MDGA2: variants seen among roughly 807,000 people sequenced by gnomAD.
MDGA2 encodes MAM domain-containing glycosylphosphatidylinositol anchor protein 2.
Under a neutral mutation model 117.8 loss-of-function variants are expected in MDGA2, and 40 were observed. The observed-to-expected ratio is 0.34, with a 90% CI of 0.26 to 0.44. The LOEUF is 0.44. Ranked by LOEUF, MDGA2 falls within the 20% of genes least tolerant of loss-of-function variation. The pLI is 1.00. For missense variants in MDGA2, 1,123 were observed against 1,250.6 expected (o/e 0.90, Z 1.54); for synonymous variants, 452 against 439.0 (o/e 1.03, Z -0.37).
At chr14:47,570,771 A>G (rs577920096) in intron 1 of MDGA2, among the ~76,000 whole-genome samples, 10 of 152,330 alleles carry the variant, frequency 6.6e-5, no homozygotes, top group African/African-American at 2.4e-4. Context: ...TGGATTAAAG[A>G]CTGAAACATA....
chr14:47,097,187 A>G lies in MDGA2; in HGVS notation c.926-64T>C. On this transcript the variant is annotated intron_variant, in intron 5 of 16. Coordinates refer to ENST00000399232, the MANE Select transcript of MDGA2 (RefSeq NM_001113498.3). Reference sequence around the variant, plus strand: ...TATGCTACAACTAGAATTCAACAGCATGCATTATATTGGTTCATTCAAAAA... The same window carrying G: ...TATGCTACAACTAGAATTCAACAGCGTGCATTATATTGGTTCATTCAAAAA... 9.8e-6 allele frequency: 15 copies of G among 1,530,446 alleles called. No homozygotes were observed. The South Asian group carries it at 1.4e-4, about 14-fold the overall frequency. The allele number at this position is 1,530,446 out of a possible 1,614,324, so 94.8% of individuals were successfully genotyped here. A position where few individuals can be genotyped will look rare whatever the true frequency, so the allele number is the denominator to read the frequency against.
chr14:47,022,680 T>G (rs1248941255), intron 8 of MDGA2, among the ~76,000 whole-genome samples: 1 of 152,116 alleles, frequency 6.6e-6, no homozygotes, highest in African/African-American at 2.4e-5. Context: ...GGGGAAATGA[T>G]ATTGGAGTAA....
intron 1 of MDGA2, among the ~76,000 whole-genome samples, chr14:47,565,587 G>A (rs1895902019): frequency 6.6e-6 from 1 of 152,204 alleles, no homozygotes. Flanking sequence ...TCTTTGTTGA[G>A]TAGTAGCAGC....
At chr14:46,919,359 T>C (rs760736798) in intron 10 of MDGA2, among the ~76,000 whole-genome samples, 1 of 152,220 alleles carries the variant, frequency 6.6e-6, no homozygotes, top group Non-Finnish European at 1.5e-5. Flanking sequence ...CCAGATAATA[T>C]GCTAAGAAGA....
At chr14:47,546,500 C>G (rs1047827200) in intron 1 of MDGA2, among the ~76,000 whole-genome samples, 1 of 152,084 alleles carries the variant, frequency 6.6e-6, no homozygotes, top group South Asian at 2.1e-4. Context: ...ACAATATTTA[C>G]TGAATATTGA....
intron 1 of MDGA2, among the ~76,000 whole-genome samples, chr14:47,605,137 T>G (rs1320313804): frequency 8.5e-5 from 13 of 152,172 alleles, no homozygotes; most frequent in Admixed American, 8.5e-4. Context: ...CTACAGACAT[T>G]TGTCTAGTCA....
chr14:47,342,605 A>G (rs535500297), intron 1 of MDGA2, among the ~76,000 whole-genome samples: 11 of 152,270 alleles, frequency 7.2e-5, no homozygotes, highest in African/African-American at 2.6e-4. Context: ...GGAGTAGAAA[A>G]TGCAGCTATA....
chr14:46,871,771 T>G (rs534673877), intron 14 of MDGA2: 53 of 171,688 alleles, frequency 3.1e-4, no homozygotes, highest in Non-Finnish European at 6.0e-4. Context: ...AAGTGATTTC[T>G]CTGAAGTATT....
chr14:46,864,412 T>A (rs1881640789), intron 14 of MDGA2, among the ~76,000 whole-genome samples: 1 of 151,426 alleles, frequency 6.6e-6, no homozygotes, highest in Non-Finnish European at 1.5e-5. Flanking sequence ...TACATTTTAG[T>A]TCTTTACATT....
At chr14:46,854,958 C>T in intron 15 of MDGA2, 66 bp downstream of exon 15, 1 of 1,312,894 alleles carries the variant, frequency 7.6e-7, no homozygotes, top group Non-Finnish European at 1.0e-6. Context: ...TTAATATTTG[C>T]TCAAGATCCA....
intron 1 of MDGA2, among the ~76,000 whole-genome samples, chr14:47,554,877 C>T (rs1895654624): frequency 6.6e-6 from 1 of 152,158 alleles, no homozygotes; most frequent in Non-Finnish European, 1.5e-5. Flanking sequence ...TGTTATGGAC[C>T]TATCTGACCT....
At chr14:47,063,135 C>T (rs980597764) in intron 6 of MDGA2, among the ~76,000 whole-genome samples, 1 of 151,964 alleles carries the variant, frequency 6.6e-6, no homozygotes, top group Non-Finnish European at 1.5e-5. Context: ...AAACCACAGA[C>T]ATATATAGCG....
At chr14:47,669,590 C>A (rs1054257030) in intron 1 of MDGA2, among the ~76,000 whole-genome samples, 4 of 152,076 alleles carry the variant, frequency 2.6e-5, no homozygotes, top group Non-Finnish European at 5.9e-5. Context: ...CAAAAATGAT[C>A]CCAAGATACA....
intron 3 of MDGA2, among the ~76,000 whole-genome samples, chr14:47,155,877 T>C (rs1408055834): frequency 1.2e-5 from 1 of 80,478 alleles, no homozygotes; most frequent in African/African-American, 6.7e-5. Context: ...TTTTCTTTTC[T>C]TCTTCTTCTT....
rs1555374514 is a variant in MDGA2, at chr14:47,335,734, T to TTATATATA, written c.281-34192_281-34185dup. ...ACACATACACATGCACACATATATT[T>TTATATATA]TATATATATATATACATACATACAT... is the stretch of plus-strand genomic sequence containing the variant. On this transcript the variant is annotated intron_variant, in intron 1 of 16. Coordinates refer to ENST00000399232, the MANE Select transcript of MDGA2 (RefSeq NM_001113498.3). Among the ~76,000 whole-genome samples the TTATATATA allele has an allele frequency of 1.1e-3, 52 of 47,968 alleles. 2 individuals are homozygous for TTATATATA. Among genetic ancestry groups the TTATATATA allele is most frequent in the East Asian group, 2.4e-3 (1 of 422 alleles). The allele number at this position is 47,968 out of a possible 152,430, so 31.5% of individuals were successfully genotyped here.
intron 1 of MDGA2, among the ~76,000 whole-genome samples, chr14:47,343,770 T>C (rs1890700801): frequency 6.6e-6 from 1 of 152,168 alleles, no homozygotes; most frequent in East Asian, 1.9e-4. Flanking sequence ...AGGCCTTTTT[T>C]TTCTTCTGTA....
intron 6 of MDGA2, among the ~76,000 whole-genome samples, chr14:47,084,737 G>C (rs1890836296): frequency 6.6e-6 from 1 of 152,132 alleles, no homozygotes; most frequent in South Asian, 2.1e-4. Context: ...GTTACAGAGA[G>C]AGCTGGCTTT....
intron 8 of MDGA2, among the ~76,000 whole-genome samples, chr14:46,984,030 T>C (rs902902514): frequency 6.8e-4 from 103 of 152,068 alleles, no homozygotes; most frequent in African/African-American, 2.4e-3. Context: ...TAAAACATAG[T>C]TATATTACTT....
At chr14:47,416,386 T>C (rs1892476328) in intron 1 of MDGA2, among the ~76,000 whole-genome samples, 1 of 152,222 alleles carries the variant, frequency 6.6e-6, no homozygotes, top group Non-Finnish European at 1.5e-5. Context: ...TGACTTGATA[T>C]CCAGTCTCCC....
Sources: allele counts gnomAD v4.1 joint callset (sites outside exome capture counted in the v4.1 genomes callset), GRCh38; gene constraint gnomAD v4.1.1; transcripts MANE v1.5; gene names NCBI Gene and HGNC (gene_info 2026-07-23, HGNC 2026-07-21).